NPRL3: variants seen among roughly 807,000 people sequenced by gnomAD.
The protein encoded by NPRL3 is GATOR1 complex protein NPRL3.
A neutral mutation model predicts 57.2 loss-of-function variants in NPRL3; 23 were observed. The observed-to-expected ratio is 0.40, with a 90% CI of 0.29 to 0.57. The LOEUF (loss-of-function observed/expected upper bound fraction) is 0.57. Ranked by LOEUF, NPRL3 falls within the 20% of genes least tolerant of loss-of-function variation. The pLI, the probability that NPRL3 is intolerant of heterozygous loss-of-function variation, is 0.42. For synonymous variants in NPRL3, 333 were observed against 321.1 expected (o/e 1.04, Z -0.39); for missense variants, 691 against 767.1 (o/e 0.90, Z 1.17).
rs1323740837 is a variant in NPRL3 at position 98,228 on chromosome 16, C to T, written c.841G>A (p.Ala281Thr). The change falls in exon 9 of 14, where the codon GCC becomes ACC. Residue 281 changes from alanine (A) to threonine (T), a missense_variant. Ala to Thr is a moderately conservative substitution (Grantham distance 58). Transcript: ENST00000611875. ...GTGGTCTTGATCACCCGCACTAGGG[C>T]AGGGGAGCAGTCAATAGGAAGCTCA... is the stretch of plus-strand genomic sequence containing the variant. ...LGELPIDCSP[A>T]LVRVIKTTSA... 1.9e-6 allele frequency: 3 copies of T among 1,614,002 alleles called. No individual in the cohort carries two copies. Among genetic ancestry groups the T allele is most frequent in the Non-Finnish European group, 2.5e-6 (3 of 1,179,886 alleles).
At chr16:134,506 C>T (rs562183883) in intron 2 of NPRL3, among the ~76,000 whole-genome samples, 1 of 152,180 alleles carries the variant, frequency 6.6e-6, no homozygotes, top group South Asian at 2.1e-4. Context: ...GATGCTTTTT[C>T]TTCCCAGTTA....
At chr16:108,437 CCT>C (rs976562629) in intron 7 of NPRL3, among the ~76,000 whole-genome samples, 1 of 151,766 alleles carries the variant, frequency 6.6e-6, no homozygotes, top group Non-Finnish European at 1.5e-5. Flanking sequence ...GGTACAAACC[CCT>C]GAGAAGGAAA....
chr16:103,296 A>ATTTTTTTTTTTTTTTTTT lies in NPRL3; in HGVS notation c.630-2805_630-2788dup, dbSNP rs533871530. Among the ~76,000 whole-genome samples, 91 of 42,122 alleles carry ATTTTTTTTTTTTTTTTTT rather than the reference A, an allele frequency of 2.2e-3. 20 individuals are homozygous for ATTTTTTTTTTTTTTTTTT. The highest frequency in any genetic ancestry group is 2.6e-3 in the Non-Finnish European group (63 of 24,110). The allele number at this position is 42,122 out of a possible 152,430, so 27.6% of individuals were successfully genotyped here. On this transcript the variant is annotated intron_variant, in intron 7 of 13. Coordinates refer to ENST00000611875, the MANE Select transcript of NPRL3 (RefSeq NM_001077350.3). Reference sequence around the variant, plus strand: ...GACGTGCAACATCACGCCTGGGGTGATTTTTTTTTTTTTTTTTTTTTTTTT... The same window carrying ATTTTTTTTTTTTTTTTTT: ...GACGTGCAACATCACGCCTGGGGTGATTTTTTTTTTTTTTTTTTTTTTTTTTTTTTTTTTTTTTTTTTT...
Position 116,917 on chromosome 16 carries a change from T to C in NPRL3, c.393+384A>G, listed in dbSNP as rs567407423. Among the ~76,000 whole-genome samples, 167 of 151,610 alleles carry C rather than the reference T, an allele frequency of 1.1e-3. 1 individual carries two copies. Among genetic ancestry groups the C allele is most frequent in the South Asian group, 6.2e-3 (30 of 4,806 alleles). On this transcript the variant is annotated intron_variant, in intron 5 of 13. Coordinates refer to ENST00000611875, the MANE Select transcript of NPRL3 (RefSeq NM_001077350.3). The stretch of plus-strand genomic sequence containing the variant: ...TTGAGCTTGGGAGGCAGGGGTTGCA[T>C]TGAGCCAAGATTGCGCTACTACACT...
intron 2 of NPRL3, 100 bp from the exon 3 acceptor site, chr16:130,691 C>A: frequency 9.2e-7 from 1 of 1,083,704 alleles, no homozygotes; most frequent in Non-Finnish European, 1.4e-6. Flanking sequence ...CCAAAACATG[C>A]TCTGTCCATA....
At chr16:116,953 T>G (rs1229713221) in intron 5 of NPRL3, among the ~76,000 whole-genome samples, 1 of 140,764 alleles carries the variant, frequency 7.1e-6, no homozygotes, top group Admixed American at 7.5e-5. Context: ...CCAGCCTGGG[T>G]GACACAGCGA....
At chr16:92,803 G>A (rs1034381986) in intron 10 of NPRL3, 78 bp from the exon 11 acceptor site, 2 of 1,569,514 alleles carry the variant, frequency 1.3e-6, no homozygotes, top group African/African-American at 2.7e-5. Context: ...GTGGGCAGCA[G>A]AGAAGCAAAG....
intron 5 of NPRL3, among the ~76,000 whole-genome samples, chr16:115,163 TGGGG>T (rs1899975820): frequency 6.6e-6 from 1 of 151,552 alleles, no homozygotes; most frequent in Non-Finnish European, 1.5e-5. Flanking sequence ...TTTGTAGAGA[TGGGG>T]TTTCGCTATG....
intron 3 of NPRL3, among the ~76,000 whole-genome samples, chr16:127,679 G>C (rs1900588318): frequency 6.7e-6 from 1 of 149,372 alleles, no homozygotes; most frequent in African/African-American, 2.5e-5. Flanking sequence ...TTTTGAGACG[G>C]AGTCTCACTC....
chr16:101,331 A>C (rs556986978), intron 7 of NPRL3, among the ~76,000 whole-genome samples: 22 of 152,160 alleles, frequency 1.4e-4, no homozygotes, highest in Admixed American at 1.2e-3. Flanking sequence ...CACAGTGCCC[A>C]CCTCCCTGCA....
intron 2 of NPRL3, among the ~76,000 whole-genome samples, chr16:137,720 G>GT (rs932385824): frequency 3.9e-4 from 58 of 150,544 alleles, no homozygotes; most frequent in South Asian, 1.9e-3. Context: ...CGGCTAATTT[G>GT]TTTTTTTTTA....
chr16:98,148 C>G lies in NPRL3; in HGVS notation c.921G>C (p.Leu307=). The G allele has an allele frequency of 6.2e-7, 1 of 1,613,294 alleles. No individual in the cohort carries two copies. Among genetic ancestry groups the G allele is most frequent in the Non-Finnish European group, 8.5e-7 (1 of 1,179,606 alleles). ...ATCTGGGCCTCCAGAGCTATACCTG[C>G]AGCAAGGCCAGGTCCGCATCTTGGG... ...QLAQDADLAL[L]QVFQLAAHLV... The change falls in exon 9 of 14, where the codon CTG becomes CTC. Residue 307 remains leucine, a synonymous_variant. Transcript: ENST00000611875.
Position 112,696 on chromosome 16 carries a change from C to G in NPRL3, c.473G>C (p.Arg158Pro). 6.2e-7 allele frequency: 1 copy of G among 1,610,698 alleles called. No homozygotes were observed. The highest frequency in any genetic ancestry group is 8.5e-7 in the Non-Finnish European group (1 of 1,178,490). The change falls in exon 6 of 14, where the codon CGC becomes CCC. Residue 158 changes from arginine (R) to proline (P), a missense_variant. Arg to Pro is a moderately radical substitution (Grantham distance 103). Coordinates refer to ENST00000611875, the MANE Select transcript of NPRL3 (RefSeq NM_001077350.3). Reference sequence around the variant, plus strand: ...CTCCCGGGTGAGGTACTGGCAGCGGCGCTCCTCGTGCTGCAGCACGGTGGC... The same window carrying G: ...CTCCCGGGTGAGGTACTGGCAGCGGGGCTCCTCGTGCTGCAGCACGGTGGC... Reference protein sequence around the residue: ...RIATVLQHEERRCQYLTREAK... With the variant: ...RIATVLQHEEPRCQYLTREAK...
chr16:111,458 T>A (rs1596521155), intron 6 of NPRL3, among the ~76,000 whole-genome samples: 2 of 151,064 alleles, frequency 1.3e-5, no homozygotes, highest in African/African-American at 4.8e-5. Context: ...ATTTATTTAT[T>A]TTTTTTTTGA....
At chr16:117,508 T>C (rs541598919) in intron 4 of NPRL3, 133 bp from the exon 5 acceptor site, 24 of 636,670 alleles carry the variant, frequency 3.8e-5, no homozygotes, top group Non-Finnish European at 6.3e-5. Flanking sequence ...TGAATGCCTT[T>C]GCTCTGGAGG....
In NPRL3 at chr16:105,913, C is replaced by T. The variant is rs541163023; in HGVS notation, c.629+4612G>A. On this transcript the variant is annotated intron_variant, in intron 7 of 13. Coordinates refer to ENST00000611875, the MANE Select transcript of NPRL3 (RefSeq NM_001077350.3). Reference sequence around the variant, plus strand: ...GGTATGGCACAAGTGTTGGGGTGGCCTCCTGAGCGATTCACATTCCCAGCC... The same window carrying T: ...GGTATGGCACAAGTGTTGGGGTGGCTTCCTGAGCGATTCACATTCCCAGCC... Among the ~76,000 whole-genome samples, 46 of 152,324 alleles carry T rather than the reference C, an allele frequency of 3.0e-4. No homozygotes were observed. The South Asian group carries it at 4.4e-3, about 14-fold the overall frequency.
At chr16:118,349 T>C (rs958865030) in intron 4 of NPRL3, among the ~76,000 whole-genome samples, 3 of 152,208 alleles carry the variant, frequency 2.0e-5, no homozygotes, top group Non-Finnish European at 2.9e-5. Flanking sequence ...CTCAGTGCTA[T>C]GACACCTATT....
In NPRL3 at chr16:85,859, C is replaced by CAG; in HGVS notation, c.*844_*845dup. On this transcript the variant is annotated 3_prime_UTR_variant, in exon 14 of 14. Coordinates refer to ENST00000611875, the MANE Select transcript of NPRL3 (RefSeq NM_001077350.3). ...TATTTCTAGAAAACTGTGCCTTAGC[C>CAG]AGAGCTCCTCTAGGTGATCAACCCA... The CAG allele has an allele frequency of 7.3e-7, 1 of 1,367,330 alleles. No individual in the cohort carries two copies. Among genetic ancestry groups the CAG allele is most frequent in the Non-Finnish European group, 9.5e-7 (1 of 1,055,524 alleles). 84.7% of individuals were successfully genotyped at this position (1,367,330 alleles called of 1,614,324 possible).
chr16:108,809 T>C (rs985111077), intron 7 of NPRL3, among the ~76,000 whole-genome samples: 11 of 152,028 alleles, frequency 7.2e-5, no homozygotes, highest in African/African-American at 2.4e-4. Context: ...TAGCTGGGAC[T>C]ACAGGCATGC....
Sources: allele counts gnomAD v4.1 joint callset (sites outside exome capture counted in the v4.1 genomes callset), GRCh38; gene constraint gnomAD v4.1.1; transcripts MANE v1.5; gene names NCBI Gene and HGNC (gene_info 2026-07-23, HGNC 2026-07-21).